The following LRIG3 variants were observed in gnomAD, a reference collection of about 807,000 sequenced individuals.
LRIG3 encodes leucine-rich repeats and immunoglobulin-like domains protein 3.
A neutral mutation model predicts 114.5 loss-of-function variants in LRIG3; 76 were observed. That is an observed-to-expected ratio of 0.66 (90% confidence interval 0.55 to 0.80). The LOEUF (loss-of-function observed/expected upper bound fraction) is 0.80, where lower values mean the gene tolerates loss of function less well. LRIG3 is among the 30% of genes least tolerant of loss of function. LRIG3 has a pLI of 0.00. For synonymous variants in LRIG3, 512 were observed against 519.8 expected, an observed-to-expected ratio of 0.98 and a Z score of 0.20; for missense variants, 1,239 against 1,382.8, an observed-to-expected ratio of 0.90 and a Z score of 1.65.
At position 58,874,101 on chromosome 12, in the gene LRIG3, A is replaced by C. The variant is rs1438512209; in HGVS notation, c.3069T>G (p.Ser1023Arg). The C allele has an allele frequency of 6.2e-7, 1 of 1,614,238 alleles. No homozygotes were observed. Among genetic ancestry groups the C allele is most frequent in the Non-Finnish European group, 8.5e-7 (1 of 1,180,034 alleles). ...CAACCGACGCTGGCTCTGGATTTGC[A>C]CTAAAATCTAAAGAGGACTTGTTTA... The part of the protein sequence containing the change: ...LCLNKSSLDF[S>R]ANPEPASVAS... Residue 1023 changes from serine to arginine, a missense_variant, in exon 18 of 19, where the codon AGT becomes AGG. Physicochemically the swap from Ser to Arg is moderately radical, Grantham distance 110. Coordinates refer to ENST00000320743, the MANE Select transcript of LRIG3 (RefSeq NM_153377.5).
intron 3 of LRIG3, 129 bp from the exon 4 acceptor site, chr12:58,890,925 G>T: frequency 4.0e-6 from 3 of 751,920 alleles, no homozygotes; most frequent in Non-Finnish European, 5.9e-6. Flanking sequence ...ACTTTTAAAA[G>T]TTAAAGAGCA....
At chr12:58,883,133 C>G in intron 11 of LRIG3, 101 bp from the exon 12 acceptor site, 3 of 1,117,020 alleles carry the variant, frequency 2.7e-6, no homozygotes, top group Non-Finnish European at 3.8e-6. Context: ...AATTTGGAAA[C>G]TGAATACACA....
At chr12:58,889,850 G>T in intron 5 of LRIG3, 146 bp downstream of exon 5, 1 of 1,001,812 alleles carries the variant, frequency 1.0e-6, no homozygotes, top group Non-Finnish European at 1.5e-6. Flanking sequence ...TTTCCAATTT[G>T]GAGATTCTAC....
At chr12:58,873,990 C>T (rs752812321) in intron 18 of LRIG3, 65 bp downstream of exon 18, 8 of 1,553,112 alleles carry the variant, frequency 5.2e-6, no homozygotes, top group Non-Finnish European at 7.0e-6. Flanking sequence ...GCTGTCATTG[C>T]TCTCTCACAC....
At chr12:58,883,151 T>C (rs947250660) in intron 11 of LRIG3, 119 bp from the exon 12 acceptor site, 1 of 919,782 alleles carries the variant, frequency 1.1e-6, no homozygotes, top group African/African-American at 1.7e-5. Context: ...ACACATCCCA[T>C]GGAATAAGTA....
At chr12:58,882,814 T>C (rs1256963024) in intron 12 of LRIG3, 55 bp downstream of exon 12, 1 of 1,514,336 alleles carries the variant, frequency 6.6e-7, no homozygotes, top group East Asian at 2.3e-5. Context: ...TTTGGATAAA[T>C]GGGAGGGGGA....
At chr12:58,889,825 T>C (rs1871392596) in intron 5 of LRIG3, among the ~76,000 whole-genome samples, 171 bp downstream of exon 5, 1 of 152,094 alleles carries the variant, frequency 6.6e-6, no homozygotes, top group Non-Finnish European at 1.5e-5. Flanking sequence ...GGTGACGAGA[T>C]GATGTTTAAG....
At position 58,887,786 on chromosome 12, in the gene LRIG3, T is replaced by G. The variant is rs777520700; in HGVS notation, c.1091+3A>C. On this transcript the variant is annotated splice_donor_region_variant and intron_variant, in intron 8 of 18. Transcript: ENST00000320743. ...AGTACTGACAGCAAAACGTGTAACT[T>G]ACAAAGTCTTTAAACTGGAAAGCCC... 1 of 1,613,132 alleles carries G rather than the reference T, an allele frequency of 6.2e-7. No individual in the cohort carries two copies.
intron 1 of LRIG3, chr12:58,919,391 C>G (rs1486555336): frequency 2.6e-6 from 4 of 1,551,328 alleles, no homozygotes; most frequent in Admixed American, 2.0e-5. Flanking sequence ...AGCTACCGAC[C>G]AGTCTTTACA....
intron 12 of LRIG3, among the ~76,000 whole-genome samples, chr12:58,881,424 A>AGG (rs1871124934): frequency 6.6e-6 from 1 of 150,560 alleles, no homozygotes. Context: ...TAGAGGCAAA[A>AGG]AAAAAAAAAA....
Position 58,919,980 on chromosome 12 carries a change from C to A in LRIG3, c.236+20G>T, listed in dbSNP as rs1411953733. ...TCTCCAGCGGCCCGGGCCCCCTCCCCCCGCGGGAAGAATACTTACAGCCGA... is the reference window on the plus strand; with the variant it reads ...TCTCCAGCGGCCCGGGCCCCCTCCCACCGCGGGAAGAATACTTACAGCCGA... On this transcript the variant is annotated intron_variant, in intron 1 of 18. Coordinates refer to ENST00000320743, the MANE Select transcript of LRIG3 (RefSeq NM_153377.5). 11 of 1,548,556 alleles carry A rather than the reference C, an allele frequency of 7.1e-6. No homozygotes were observed. The highest frequency in any genetic ancestry group is 5.5e-5 in the African/African-American group (4 of 73,062).
chr12:58,909,437 A>G (rs989277150), intron 3 of LRIG3, among the ~76,000 whole-genome samples: 1 of 151,756 alleles, frequency 6.6e-6, no homozygotes, highest in South Asian at 2.1e-4. Context: ...TCTTTTCTTC[A>G]TTTATTTTTC....
chr12:58,898,977 A>G (rs945430208), intron 3 of LRIG3, among the ~76,000 whole-genome samples: 4 of 152,184 alleles, frequency 2.6e-5, no homozygotes, highest in Non-Finnish European at 1.5e-5. Context: ...TTTTGAAGAC[A>G]CTGCTCATGG....
chr12:58,883,549 T>C lies in LRIG3; in HGVS notation c.1287A>G (p.Ala429=). The C allele has an allele frequency of 6.5e-7, 1 of 1,547,652 alleles. No homozygotes were observed. The highest frequency in any genetic ancestry group is 8.8e-7 in the Non-Finnish European group (1 of 1,134,152). The change falls in exon 11 of 19, where the codon GCA becomes GCG. Residue 429 remains alanine (A), a synonymous_variant. Transcript: ENST00000320743. The part of the protein sequence containing the change: ...DNAIMSLQGN[A]FSQMKKLQQL... ...GTTGCAGTTTCTTCATTTGTGAAAA[T>C]GCATTGCCTTGTAAAGACATGATTG...
At chr12:58,873,949 G>T (rs747992033) in intron 18 of LRIG3, 106 bp downstream of exon 18, 1 of 1,364,460 alleles carries the variant, frequency 7.3e-7, no homozygotes, top group Non-Finnish European at 1.0e-6. Context: ...CCTCATTCAA[G>T]AAACCATTTT....
In LRIG3 at chr12:58,877,823, C is replaced by T. The variant is rs770156180; in HGVS notation, c.2113G>A (p.Asp705Asn). The change falls in exon 15 of 19, where the codon GAC (aspartate) becomes AAC (asparagine). Residue 705 changes from aspartate (D) to asparagine (N), a missense_variant. By Grantham distance (23) the Asp-to-Asn change is conservative. Coordinates refer to ENST00000320743, the MANE Select transcript of LRIG3 (RefSeq NM_153377.5). ...ETPSFLRPLL[D>N]RTVTKGETAV... Reference sequence around the variant, plus strand: ...GTTTCTCCCTTGGTTACAGTTCGGTCCAACAGTGGCCGCAAAAATGATGGT... The same window carrying T: ...GTTTCTCCCTTGGTTACAGTTCGGTTCAACAGTGGCCGCAAAAATGATGGT... 1 of 1,600,528 alleles carries T rather than the reference C, an allele frequency of 6.2e-7. No individual in the cohort carries two copies. The highest frequency in any genetic ancestry group is 1.7e-5 in the Admixed American group (1 of 59,646).
At chr12:58,891,647 A>G (rs956896622) in intron 3 of LRIG3, among the ~76,000 whole-genome samples, 2 of 152,164 alleles carry the variant, frequency 1.3e-5, no homozygotes, top group Admixed American at 1.3e-4. Context: ...TCTTTAAGAA[A>G]TAGCAAGTTT....
chr12:58,919,635 G>A (rs1872600032), intron 1 of LRIG3: 17 of 1,455,782 alleles, frequency 1.2e-5, no homozygotes, highest in African/African-American at 1.4e-5. Context: ...AACTCCTGAT[G>A]TGTGCAGGTT....
chr12:58,914,033 T>C lies in LRIG3; in HGVS notation c.332A>G (p.Glu111Gly). The C allele has an allele frequency of 6.2e-7, 1 of 1,611,512 alleles. No homozygotes were observed. Among genetic ancestry groups the C allele is most frequent in the South Asian group, 1.1e-5 (1 of 90,432 alleles). The change falls in exon 3 of 19, where the codon GAG becomes GGG. Residue 111 changes from glutamate (E) to glycine (G), a missense_variant. Coordinates refer to ENST00000320743, the MANE Select transcript of LRIG3 (RefSeq NM_153377.5). ...REVKLNNNEL[E>G]TIPNLGPVSA... ...GACTGGTCCCAGATTTGGAATGGTC[T>C]CCAATTCATTGTTGTTCAGTTTCCT...
Sources: gnomAD v4.1 joint callset for allele counts (sites outside exome capture counted in the v4.1 genomes callset) on GRCh38, gnomAD v4.1.1 for gene constraint, MANE v1.5 for transcripts, NCBI Gene and HGNC (gene_info 2026-07-23, HGNC 2026-07-21) for gene names.